Variants in UNC5D observed in about 807,000 individuals in gnomAD.
UNC5D encodes the protein unc-5 netrin receptor D.
UNC5D carries 39 observed loss-of-function variants against 105.4 expected under a neutral mutation model. The ratio of observed to expected loss-of-function variants is 0.37; its 90% CI spans 0.29 to 0.48. The LOEUF (loss-of-function observed/expected upper bound fraction) is 0.48. Among genes scored for constraint, UNC5D ranks in the 20% least tolerant of loss-of-function variants. UNC5D has a pLI of 0.98. For synonymous variants in UNC5D, 452 were observed against 450.4 expected (o/e 1.00, Z -0.04); for missense variants, 991 against 1,202.4 (o/e 0.82, Z 2.60).
chr8:35,281,081 C>G (rs1315257727), intron 1 of UNC5D, among the ~76,000 whole-genome samples: 2 of 152,164 alleles, frequency 1.3e-5, no homozygotes, highest in Non-Finnish European at 2.9e-5. Context: ...AGCACCTCAC[C>G]AGGCCTTCGC....
intron 1 of UNC5D, among the ~76,000 whole-genome samples, chr8:35,475,177 G>A (rs1344877874): frequency 6.6e-6 from 1 of 152,136 alleles, no homozygotes; most frequent in African/African-American, 2.4e-5. Context: ...GGAGTAGGAG[G>A]TGAATTTGGG....
chr8:35,485,733 A>G (rs1810778692), intron 1 of UNC5D, among the ~76,000 whole-genome samples: 1 of 152,216 alleles, frequency 6.6e-6, no homozygotes, highest in Admixed American at 6.5e-5. Flanking sequence ...GACCCTGAGC[A>G]AAGTGTTAAT....
chr8:35,582,471 T>C (rs752109238), intron 3 of UNC5D, among the ~76,000 whole-genome samples: 19 of 152,196 alleles, frequency 1.2e-4, no homozygotes, highest in Admixed American at 1.0e-3. Context: ...CAAGATTGGC[T>C]TAAGGAAAGC....
intron 1 of UNC5D, among the ~76,000 whole-genome samples, chr8:35,324,444 T>TGC (rs5890805): frequency 1.5e-4 from 1 of 6,546 alleles, no homozygotes; most frequent in African/African-American, 2.6e-4. Flanking sequence ...GTTTTTGTGC[T>TGC]TTTTGAGTAT....
chr8:35,648,524 C>G (rs886138007), intron 4 of UNC5D, among the ~76,000 whole-genome samples: 3 of 151,732 alleles, frequency 2.0e-5, no homozygotes, highest in African/African-American at 7.3e-5. Flanking sequence ...ACTAAAAATA[C>G]AAAAATTAGC....
intron 1 of UNC5D, chr8:35,525,652 T>C: frequency 6.2e-7 from 1 of 1,613,062 alleles, no homozygotes; most frequent in Non-Finnish European, 8.5e-7. Context: ...AAAGCCAGCA[T>C]TTTGGATTGG....
intron 8 of UNC5D, among the ~76,000 whole-genome samples, chr8:35,711,750 T>G (rs780260983): frequency 2.0e-5 from 3 of 152,210 alleles, no homozygotes; most frequent in Non-Finnish European, 4.4e-5. Flanking sequence ...TAGTTGCTCT[T>G]GTAAGTTGCC....
chr8:35,377,666 C>T (rs971559820), intron 1 of UNC5D, among the ~76,000 whole-genome samples: 2 of 152,068 alleles, frequency 1.3e-5, no homozygotes, highest in Non-Finnish European at 2.9e-5. Context: ...AGAAAGGTGA[C>T]AATATATATC....
rs1262859182 is a variant in UNC5D at position 35,794,629 on chromosome 8, C to G, written c.*4066C>G. Reference sequence around the variant, plus strand: ...AACTACAAGCAAAAATGTATTTTGTCCAATGTCACAAAAGTGAAAATGTTA... The same window carrying G: ...AACTACAAGCAAAAATGTATTTTGTGCAATGTCACAAAAGTGAAAATGTTA... On this transcript the variant is annotated 3_prime_UTR_variant, in exon 17 of 17. Coordinates refer to ENST00000404895, the MANE Select transcript of UNC5D (RefSeq NM_080872.4). The G allele has an allele frequency of 1.3e-5, 2 of 152,718 alleles. No individual in the cohort carries two copies. The highest frequency in any genetic ancestry group is 3.9e-4 in the East Asian group (2 of 5,184). 9.5% of individuals were successfully genotyped at this position (152,718 alleles called of 1,614,324 possible).
intron 2 of UNC5D, among the ~76,000 whole-genome samples, chr8:35,559,428 A>G (rs531477907): frequency 2.0e-5 from 3 of 152,202 alleles, no homozygotes; most frequent in Non-Finnish European, 4.4e-5. Flanking sequence ...TGGAGAGGCA[A>G]GCATTTGAGA....
At chr8:35,578,638 G>A (rs1466763040) in intron 3 of UNC5D, among the ~76,000 whole-genome samples, 1 of 152,280 alleles carries the variant, frequency 6.6e-6, no homozygotes, top group East Asian at 1.9e-4. Context: ...TCCGTAGATG[G>A]CATGGGGTTA....
chr8:35,649,719 A>G (rs1004177722), intron 4 of UNC5D, among the ~76,000 whole-genome samples: 3 of 152,216 alleles, frequency 2.0e-5, no homozygotes, highest in Non-Finnish European at 4.4e-5. Context: ...TCTTCTACAT[A>G]TTTGTAAACT....
chr8:35,602,988 A>G (rs1820002233), intron 4 of UNC5D, among the ~76,000 whole-genome samples: 1 of 150,998 alleles, frequency 6.6e-6, no homozygotes, highest in Admixed American at 6.6e-5. Flanking sequence ...GTTTTTTCAG[A>G]AAACCAGCTG....
intron 1 of UNC5D, among the ~76,000 whole-genome samples, chr8:35,477,792 A>C (rs1810216453): frequency 6.6e-6 from 1 of 152,016 alleles, no homozygotes; most frequent in Admixed American, 6.6e-5. Flanking sequence ...GCAACTTATA[A>C]AAAAAATATG....
chr8:35,583,373 A>G lies in UNC5D; in HGVS notation c.467-12181A>G, dbSNP rs375160179. Among the ~76,000 whole-genome samples the G allele has an allele frequency of 7.2e-5, 11 of 152,052 alleles. 1 individual carries two copies. Among genetic ancestry groups the G allele is most frequent in the South Asian group, 2.1e-4 (1 of 4,802 alleles). ...ATCTCTAAAGTGTGTGTGTGTGTGC[A>G]TGTGTGTGTGCCTGAGTGTGTGTAT... is the stretch of plus-strand genomic sequence containing the variant. On this transcript the variant is annotated intron_variant, in intron 3 of 16. Transcript: ENST00000404895.
intron 1 of UNC5D, among the ~76,000 whole-genome samples, chr8:35,442,378 T>G (rs1807463122): frequency 6.6e-6 from 1 of 151,814 alleles, no homozygotes; most frequent in African/African-American, 2.4e-5. Context: ...AGGGTTCTGC[T>G]CCCAGCATGT....
At chr8:35,487,991 G>T (rs1024283256) in intron 1 of UNC5D, among the ~76,000 whole-genome samples, 1 of 152,214 alleles carries the variant, frequency 6.6e-6, no homozygotes, top group African/African-American at 2.4e-5. Flanking sequence ...AGTATTTAAA[G>T]TGTGGTCTGG....
chr8:35,751,698 G>C (rs541965230), intron 13 of UNC5D, among the ~76,000 whole-genome samples: 1 of 152,296 alleles, frequency 6.6e-6, no homozygotes, highest in East Asian at 1.9e-4. Flanking sequence ...CCGTGTTACT[G>C]TGTGGTCAGC....
chr8:35,313,490 A>G (rs1033686060), intron 1 of UNC5D, among the ~76,000 whole-genome samples: 51 of 152,196 alleles, frequency 3.4e-4, no homozygotes, highest in Admixed American at 3.3e-3. Context: ...ATTACTTGCA[A>G]AAAGAACAAC....
Sources: allele counts gnomAD v4.1 joint callset (sites outside exome capture counted in the v4.1 genomes callset), GRCh38; gene constraint gnomAD v4.1.1; transcripts MANE v1.5; gene names NCBI Gene and HGNC (gene_info 2026-07-23, HGNC 2026-07-21).